KCNIP1: variants seen among roughly 807,000 people sequenced by gnomAD.
KCNIP1 encodes the protein potassium voltage-gated channel interacting protein 1, also known as A-type potassium channel modulatory protein KCNIP1.
Under a neutral mutation model 33.0 loss-of-function variants are expected in KCNIP1, and 18 were observed. The observed-to-expected ratio is 0.55, with a 90% CI of 0.38 to 0.81. The LOEUF is 0.81. Among genes scored for constraint, KCNIP1 ranks in the 30% least tolerant of loss-of-function variants. KCNIP1 has a pLI of 0.00. For missense variants in KCNIP1, 238 were observed against 271.6 expected (o/e 0.88, Z 0.87); for synonymous variants, 93 against 98.3 (o/e 0.95, Z 0.32).
intron 1 of KCNIP1, among the ~76,000 whole-genome samples, chr5:170,589,792 G>GAT (rs1561703757): frequency 1.8e-5 from 2 of 112,920 alleles, no homozygotes; most frequent in African/African-American, 6.4e-5. Context: ...GATGTGATGT[G>GAT]GTGTGCGGTG....
intron 1 of KCNIP1, among the ~76,000 whole-genome samples, chr5:170,508,116 G>C (rs577448837): frequency 2.0e-5 from 3 of 152,176 alleles, no homozygotes; most frequent in African/African-American, 7.2e-5. Flanking sequence ...CTAGACCAAG[G>C]CCATCTCAAC....
rs1762095269 is a variant in KCNIP1 at position 170,675,444 on chromosome 5, C to G, written c.62-43314C>G. 3.9e-5 allele frequency among the ~76,000 whole-genome samples: 6 copies of G among 152,122 alleles called. No individual in the cohort carries two copies. In the South Asian group the frequency reaches 1.2e-3, roughly 32 times the overall value. ...ACCACCCTGGCCAACACGGTGAAAC[C>G]CTGTCTCTCCTAAAAAATACAAAAA... On this transcript the variant is annotated intron_variant, in intron 1 of 7. Coordinates refer to ENST00000328939, the MANE Select transcript of KCNIP1 (RefSeq NM_014592.4).
chr5:170,707,158 C>CAAAAAAAAAAAAA (rs34331045), intron 1 of KCNIP1, among the ~76,000 whole-genome samples: 2 of 125,550 alleles, frequency 1.6e-5, no homozygotes, highest in Non-Finnish European at 3.5e-5. Flanking sequence ...AGTAAATCAT[C>CAAAAAAAAAAAAA]AAAAAAAAAA....
intron 1 of KCNIP1, among the ~76,000 whole-genome samples, chr5:170,559,168 CCT>C (rs1404224624): frequency 9.2e-5 from 14 of 152,308 alleles, no homozygotes; most frequent in Middle Eastern, 3.4e-3. Flanking sequence ...TGAATTAATT[CCT>C]CTGTCTTACC....
chr5:170,650,102 G>A (rs1172196650), intron 1 of KCNIP1, among the ~76,000 whole-genome samples: 2 of 152,048 alleles, frequency 1.3e-5, no homozygotes, highest in South Asian at 4.1e-4. Flanking sequence ...ATATTGCTAA[G>A]CGTTATAGAT....
chr5:170,597,800 T>A (rs1235426566), intron 1 of KCNIP1, among the ~76,000 whole-genome samples: 161 of 2,134 alleles, frequency 0.075, 7 homozygotes, highest in African/African-American at 0.097. Flanking sequence ...TATATATATA[T>A]ATATATATAT....
chr5:170,524,938 G>A (rs1339182108), intron 1 of KCNIP1, among the ~76,000 whole-genome samples: 1 of 152,298 alleles, frequency 6.6e-6, no homozygotes, highest in East Asian at 1.9e-4. Flanking sequence ...CTGAGAAGTG[G>A]GTTGGAGCAG....
chr5:170,560,476 A>G (rs1435133179), intron 1 of KCNIP1, among the ~76,000 whole-genome samples: 1 of 151,942 alleles, frequency 6.6e-6, no homozygotes, highest in Non-Finnish European at 1.5e-5. Context: ...GACCTTGGGC[A>G]TCTCATGTTC....
At chr5:170,462,139 T>C (rs906674774) in intron 1 of KCNIP1, among the ~76,000 whole-genome samples, 33 of 152,030 alleles carry the variant, frequency 2.2e-4, no homozygotes, top group Admixed American at 2.6e-4. Context: ...AAAGAGCTTT[T>C]GCACAGCAAA....
chr5:170,399,537 GA>G (rs1754843019), intron 1 of KCNIP1, among the ~76,000 whole-genome samples: 1 of 152,058 alleles, frequency 6.6e-6, no homozygotes, highest in Admixed American at 6.6e-5. Flanking sequence ...AAAAAAGGGG[GA>G]AAATAAAAAT....
intron 1 of KCNIP1, among the ~76,000 whole-genome samples, chr5:170,583,824 A>T (rs1240908650): frequency 6.6e-6 from 1 of 152,224 alleles, no homozygotes; most frequent in East Asian, 1.9e-4. Context: ...TGAGGTAAAG[A>T]TAATCATCAG....
intron 1 of KCNIP1, among the ~76,000 whole-genome samples, chr5:170,395,040 A>C (rs967863718): frequency 6.6e-6 from 1 of 152,174 alleles, no homozygotes; most frequent in South Asian, 2.1e-4. Context: ...GCTATTGTGA[A>C]TAGTGCGGCA....
At chr5:170,715,555 G>A (rs1314951067) in intron 1 of KCNIP1, among the ~76,000 whole-genome samples, 1 of 152,118 alleles carries the variant, frequency 6.6e-6, no homozygotes, top group Non-Finnish European at 1.5e-5. Flanking sequence ...CCTAGTGATA[G>A]GTATTCATCA....
At chr5:170,659,675 G>A (rs973467953) in intron 1 of KCNIP1, among the ~76,000 whole-genome samples, 1 of 152,156 alleles carries the variant, frequency 6.6e-6, no homozygotes, top group African/African-American at 2.4e-5. Flanking sequence ...GCACAGCTCA[G>A]GGAATATTCT....
At chr5:170,355,616 T>C (rs917931256) in intron 1 of KCNIP1, among the ~76,000 whole-genome samples, 2 of 151,824 alleles carry the variant, frequency 1.3e-5, no homozygotes, top group African/African-American at 4.8e-5. Flanking sequence ...GACTAAGGAG[T>C]GCCTCCAAAC....
intron 1 of KCNIP1, among the ~76,000 whole-genome samples, chr5:170,431,355 C>G (rs1755736449): frequency 6.6e-6 from 1 of 152,162 alleles, no homozygotes; most frequent in Admixed American, 6.5e-5. Context: ...TTCTTAAAAC[C>G]AAGGATCAGG....
At chr5:170,467,698 A>C (rs1459106354) in intron 1 of KCNIP1, among the ~76,000 whole-genome samples, 1 of 152,094 alleles carries the variant, frequency 6.6e-6, no homozygotes, top group African/African-American at 2.4e-5. Context: ...CGGGTGGATC[A>C]CCTGAGGTCA....
At chr5:170,402,373 G>T (rs532986708) in intron 1 of KCNIP1, among the ~76,000 whole-genome samples, 1 of 152,058 alleles carries the variant, frequency 6.6e-6, no homozygotes, top group South Asian at 2.1e-4. Flanking sequence ...ACTAACTGCC[G>T]CAACCACCCC....
At chr5:170,473,737 T>A (rs1470012804) in intron 1 of KCNIP1, among the ~76,000 whole-genome samples, 2 of 152,174 alleles carry the variant, frequency 1.3e-5, no homozygotes, top group East Asian at 3.9e-4. Flanking sequence ...TATTTCCTCC[T>A]TTCCCTCGAC....
Sources: gnomAD v4.1 joint callset for allele counts (sites outside exome capture counted in the v4.1 genomes callset) on GRCh38, gnomAD v4.1.1 for gene constraint, MANE v1.5 for transcripts, NCBI Gene and HGNC (gene_info 2026-07-23, HGNC 2026-07-21) for gene names.